CD1B: variants seen among roughly 807,000 people sequenced by gnomAD.
The protein encoded by CD1B is CD1b molecule.
A neutral mutation model predicts 39.8 loss-of-function variants in CD1B; 43 were observed. That is an observed-to-expected ratio of 1.08 (90% confidence interval 0.85 to 1.39). The LOEUF is 1.39. CD1B is among the 40% of genes most tolerant of loss of function. CD1B has a pLI of 0.00. For synonymous variants in CD1B, 192 were observed against 152.5 expected (o/e 1.26, Z -1.91); for missense variants, 495 against 403.8 (o/e 1.23, Z -1.94).
At chr1:158,306,649 A>G in the CD1B span, among the ~76,000 whole-genome samples, 1 of 152,210 alleles carries the variant, frequency 6.6e-6, no homozygotes, top group African/African-American at 2.4e-5. Context: ...ACCACACCGC[A>G]CTTATTCCAA....
the CD1B span, among the ~76,000 whole-genome samples, chr1:158,286,496 T>G: frequency 9.2e-5 from 14 of 152,334 alleles, no homozygotes; most frequent in Non-Finnish European, 1.8e-4. Flanking sequence ...ATTTGAATAT[T>G]TTAGGCTGAT....
the CD1B span, among the ~76,000 whole-genome samples, chr1:158,321,762 C>T: frequency 2.0e-5 from 3 of 151,928 alleles, no homozygotes; most frequent in East Asian, 1.9e-4. Flanking sequence ...TTTTAAATTT[C>T]CTACTTTTAT....
At chr1:158,289,436 T>C in the CD1B span, among the ~76,000 whole-genome samples, 3 of 152,242 alleles carry the variant, frequency 2.0e-5, no homozygotes, top group Non-Finnish European at 2.9e-5. Context: ...GACTGTAGTT[T>C]ATATAATTGT....
the CD1B span, among the ~76,000 whole-genome samples, chr1:158,320,207 C>T: frequency 2.6e-5 from 4 of 152,220 alleles, no homozygotes; most frequent in Non-Finnish European, 5.9e-5. Context: ...TTCCTGGCTG[C>T]TTTGTTTACC....
the CD1B span, among the ~76,000 whole-genome samples, chr1:158,290,458 A>G: frequency 3.3e-5 from 5 of 152,128 alleles, no homozygotes; most frequent in African/African-American, 4.8e-5. Context: ...GGATGAAGCA[A>G]CCTTTCAATG....
the CD1B span, chr1:158,291,287 C>T: frequency 5.4e-5 from 87 of 1,613,942 alleles, no homozygotes; most frequent in Non-Finnish European, 7.2e-5. Context: ...CATAACTGGT[C>T]CAAGGGCAAC....
the CD1B span, among the ~76,000 whole-genome samples, chr1:158,320,862 G>A: frequency 6.6e-6 from 1 of 151,398 alleles, no homozygotes; most frequent in Non-Finnish European, 1.5e-5. Flanking sequence ...TACCATTATT[G>A]TTGAAAAAAA....
downstream of CD1B, chr1:158,327,873 G>T (rs921548188): frequency 5.7e-6 from 1 of 174,898 alleles, no homozygotes; most frequent in Non-Finnish European, 1.2e-5. Flanking sequence ...ATTATATTTG[G>T]TTTTCTTTGA....
chr1:158,312,583 A>G, the CD1B span, among the ~76,000 whole-genome samples: 1 of 151,988 alleles, frequency 6.6e-6, no homozygotes, highest in East Asian at 1.9e-4. Context: ...CCTTTGTTAC[A>G]TTTATTCTTA....
the CD1B span, among the ~76,000 whole-genome samples, chr1:158,322,429 T>TG: frequency 3.1e-4 from 46 of 149,620 alleles, no homozygotes; most frequent in African/African-American, 1.1e-3. Flanking sequence ...TTTTTTTTTT[T>TG]TGTGTGTGTG....
chr1:158,326,181 C>G (rs934961586), downstream of CD1B, among the ~76,000 whole-genome samples: 2 of 152,082 alleles, frequency 1.3e-5, no homozygotes, highest in African/African-American at 2.4e-5. Flanking sequence ...ACCGTGTTAG[C>G]CAGGATGGTC....
chr1:158,308,185 C>T, the CD1B span, among the ~76,000 whole-genome samples: 25 of 152,072 alleles, frequency 1.6e-4, no homozygotes, highest in Admixed American at 1.4e-3. Context: ...TTCTTACACA[C>T]CAGTAACAGA....
At chr1:158,325,186 C>T (rs916067923), downstream of CD1B, among the ~76,000 whole-genome samples, 1 of 152,020 alleles carries the variant, frequency 6.6e-6, no homozygotes. Flanking sequence ...TCTTTCACCC[C>T]TAGGCCATTC....
At chr1:158,305,156 T>C in the CD1B span, among the ~76,000 whole-genome samples, 1 of 152,016 alleles carries the variant, frequency 6.6e-6, no homozygotes. Context: ...AAGAGGAAGT[T>C]CGAACTCATC....
At chr1:158,299,334 T>G in the CD1B span, among the ~76,000 whole-genome samples, 9 of 152,362 alleles carry the variant, frequency 5.9e-5, no homozygotes, top group African/African-American at 1.9e-4. Flanking sequence ...TTTGCATATG[T>G]TGAACCAGCC....
chr1:158,290,049 A>T, the CD1B span: 3 of 1,613,240 alleles, frequency 1.9e-6, no homozygotes, highest in Non-Finnish European at 2.5e-6. Flanking sequence ...GAGAGAAAGA[A>T]ACATCTGCAA....
At chr1:158,294,511 TTAAA>T in the CD1B span, among the ~76,000 whole-genome samples, 31 of 152,356 alleles carry the variant, frequency 2.0e-4, no homozygotes, top group African/African-American at 6.0e-4. Context: ...TCAAAAAATT[TTAAA>T]TAGATTTTAT....
rs781511854 is a variant in CD1B at position 158,330,850 on chromosome 1, T to A, written c.274A>T (p.Ile92Phe). ...TGTACTTCTCGAGCGAATCCAAAGA[T>A]GTAGACTCGGAATATCTCCTCTAAC... ...AELEEIFRVYIFGFAREVQDF... is the reference protein window; with the variant it reads ...AELEEIFRVYFFGFAREVQDF... Residue 92 changes from isoleucine to phenylalanine, a missense_variant, in exon 2 of 6, where the codon ATC (isoleucine) becomes TTC (phenylalanine). Transcript: ENST00000368168. The A allele has an allele frequency of 1.3e-5, 21 of 1,614,134 alleles. No individual in the cohort carries two copies. Among genetic ancestry groups the A allele is most frequent in the Non-Finnish European group, 1.7e-5 (20 of 1,179,996 alleles).
chr1:158,298,776 G>A, the CD1B span, among the ~76,000 whole-genome samples: 10 of 152,104 alleles, frequency 6.6e-5, no homozygotes, highest in South Asian at 4.1e-4. Context: ...TCTTTGAAGC[G>A]ATTGTGAATG....
Sources: allele counts gnomAD v4.1 joint callset (sites outside exome capture counted in the v4.1 genomes callset), GRCh38; gene constraint gnomAD v4.1.1; transcripts MANE v1.5; gene names NCBI Gene and HGNC (gene_info 2026-07-23, HGNC 2026-07-21).